The following VPS13B variants were observed in gnomAD, a reference collection of about 807,000 sequenced individuals.
VPS13B encodes intermembrane lipid transfer protein VPS13B.
In VPS13B, 285 loss-of-function variants were observed where a neutral mutation model predicts 426.4. The ratio of observed to expected loss-of-function variants is 0.67; its 90% CI spans 0.61 to 0.74. The LOEUF (loss-of-function observed/expected upper bound fraction) is 0.74, where lower values mean the gene tolerates loss of function less well. Among genes scored for constraint, VPS13B ranks in the 30% least tolerant of loss-of-function variants. VPS13B has a pLI of 0.00. For missense variants in VPS13B, 4,537 were observed against 4,782.6 expected, an observed-to-expected ratio of 0.95 and a Z score of 1.51; for synonymous variants, 1,676 against 1,676.4, an observed-to-expected ratio of 1.00 and a Z score of 0.01.
intron 56 of VPS13B, among the ~76,000 whole-genome samples, chr8:99,855,224 T>G (rs1484202340): frequency 6.6e-6 from 1 of 151,752 alleles, no homozygotes; most frequent in East Asian, 1.9e-4. Flanking sequence ...AAAATTAAAG[T>G]TTAAAAAATT....
chr8:99,170,251 T>G, intron 16 of VPS13B, 88 bp downstream of exon 16: 1 of 1,493,338 alleles, frequency 6.7e-7, no homozygotes, highest in South Asian at 1.2e-5. Context: ...CTTATGCCCA[T>G]GCTAGTTTTA....
chr8:99,195,321 A>G (rs1050976134), intron 17 of VPS13B, among the ~76,000 whole-genome samples: 7 of 152,172 alleles, frequency 4.6e-5, no homozygotes, highest in Non-Finnish European at 7.3e-5. Context: ...GGCCATTTGT[A>G]TGAACCATTT....
intron 44 of VPS13B, among the ~76,000 whole-genome samples, chr8:99,813,246 A>G (rs1044361877): frequency 5.3e-5 from 8 of 152,160 alleles, no homozygotes; most frequent in African/African-American, 1.9e-4. Flanking sequence ...CCTATTTAAC[A>G]GGCTTTTTAG....
At position 99,569,608 on chromosome 8, in the gene VPS13B, T is replaced by G. The variant is rs565162820; in HGVS notation, c.4950-6050T>G. On this transcript the variant is annotated intron_variant, in intron 31 of 61. Transcript: ENST00000357162. ...TTTGAAGTGTGATTCTTAAACTCCTTTAGTATTTCCCACAAAGGCATACCA... is the reference window on the plus strand; with the variant it reads ...TTTGAAGTGTGATTCTTAAACTCCTGTAGTATTTCCCACAAAGGCATACCA... Among the ~76,000 whole-genome samples, 62 of 152,318 alleles carry G rather than the reference T, an allele frequency of 4.1e-4. 1 individual carries two copies. In the South Asian group the frequency reaches 0.012, roughly 30 times the overall value.
intron 17 of VPS13B, among the ~76,000 whole-genome samples, chr8:99,206,007 A>G (rs1416264896): frequency 6.6e-6 from 1 of 152,208 alleles, no homozygotes; most frequent in Admixed American, 6.5e-5. Flanking sequence ...ATTTGAGCTA[A>G]ATATGTATTA....
intron 3 of VPS13B, among the ~76,000 whole-genome samples, chr8:99,073,694 CT>C (rs1252171560): frequency 2.6e-5 from 2 of 78,178 alleles, no homozygotes; most frequent in East Asian, 7.6e-4. Context: ...TTTGGATTTT[CT>C]TTCCTTTTTT....
chr8:99,864,823 G>A (rs1174253828), intron 58 of VPS13B, among the ~76,000 whole-genome samples: 1 of 152,178 alleles, frequency 6.6e-6, no homozygotes, highest in Admixed American at 6.5e-5. Flanking sequence ...GCAAGGACAG[G>A]AGCCTGGGCC....
intron 30 of VPS13B, among the ~76,000 whole-genome samples, chr8:99,528,650 A>C (rs959986837): frequency 6.6e-6 from 1 of 152,092 alleles, no homozygotes; most frequent in African/African-American, 2.4e-5. Context: ...TCATGGTCTC[A>C]TTTTTATCAT....
chr8:99,504,661 C>G (rs917695454), intron 27 of VPS13B, among the ~76,000 whole-genome samples: 1 of 152,134 alleles, frequency 6.6e-6, no homozygotes, highest in East Asian at 1.9e-4. Flanking sequence ...GATGTGCTAT[C>G]ATCCAAGCTT....
intron 19 of VPS13B, among the ~76,000 whole-genome samples, chr8:99,383,449 A>G (rs2133292985): frequency 6.6e-6 from 1 of 152,170 alleles, no homozygotes; most frequent in East Asian, 1.9e-4. Flanking sequence ...GCTTATTATT[A>G]TATTTTATGG....
Position 99,502,279 on chromosome 8 carries a change from C to T in VPS13B, c.4042+421C>T, listed in dbSNP as rs553324516. ...GATTACAGGCATGAGCCACCATGCC[C>T]GGCCTGGATTGCTTTTCTTCTTTAC... is the stretch of plus-strand genomic sequence containing the variant. On this transcript the variant is annotated intron_variant, in intron 26 of 61. Coordinates refer to ENST00000357162, the MANE Select transcript of VPS13B (RefSeq NM_152564.5). Among the ~76,000 whole-genome samples, 14 of 152,212 alleles carry T rather than the reference C, an allele frequency of 9.2e-5. 1 individual carries two copies. The highest frequency in any genetic ancestry group is 2.2e-4 in the African/African-American group (9 of 41,532).
chr8:99,719,187 A>G (rs1001053874), intron 37 of VPS13B, among the ~76,000 whole-genome samples: 28 of 152,224 alleles, frequency 1.8e-4, no homozygotes, highest in African/African-American at 5.8e-4. Context: ...ATTGAAAACG[A>G]CAATGATCTG....
At chr8:99,868,248 T>G in intron 58 of VPS13B, 41 bp from the exon 59 acceptor site, 1 of 1,613,272 alleles carries the variant, frequency 6.2e-7, no homozygotes, top group Non-Finnish European at 8.5e-7. Context: ...TTTCCGAGGA[T>G]TTTAAGCCTC....
At chr8:99,433,148 G>A (rs1817202187) in intron 22 of VPS13B, among the ~76,000 whole-genome samples, 1 of 152,170 alleles carries the variant, frequency 6.6e-6, no homozygotes, top group African/African-American at 2.4e-5. Flanking sequence ...TGTAGCTGTA[G>A]CTTTTTTCTA....
chr8:99,763,345 T>C (rs1282517456), intron 39 of VPS13B, among the ~76,000 whole-genome samples: 3 of 152,092 alleles, frequency 2.0e-5, no homozygotes, highest in African/African-American at 7.2e-5. Context: ...CATGAATTAT[T>C]CATTCATTTA....
At chr8:99,859,843 T>A (rs535399555) in intron 57 of VPS13B, among the ~76,000 whole-genome samples, 69 of 152,370 alleles carry the variant, frequency 4.5e-4, no homozygotes, top group Admixed American at 9.1e-4. Context: ...CATATTTTTT[T>A]AAATGTAGAT....
chr8:99,551,257 T>TA (rs1824267057), intron 30 of VPS13B, among the ~76,000 whole-genome samples: 1 of 152,044 alleles, frequency 6.6e-6, no homozygotes. Flanking sequence ...GCAGTAACTA[T>TA]TTTTAAATAG....
At chr8:99,229,265 G>A (rs892431150) in intron 17 of VPS13B, among the ~76,000 whole-genome samples, 3 of 152,228 alleles carry the variant, frequency 2.0e-5, no homozygotes, top group African/African-American at 7.2e-5. Flanking sequence ...TCCTGCATTA[G>A]TGGAAATGGC....
chr8:99,422,063 T>C (rs916132877), intron 21 of VPS13B, among the ~76,000 whole-genome samples: 1 of 152,132 alleles, frequency 6.6e-6, no homozygotes, highest in Non-Finnish European at 1.5e-5. Flanking sequence ...TTAAATAAGA[T>C]AGATGGGCGT....
Sources: gnomAD v4.1 joint callset for allele counts (sites outside exome capture counted in the v4.1 genomes callset) on GRCh38, gnomAD v4.1.1 for gene constraint, MANE v1.5 for transcripts, NCBI Gene and HGNC (gene_info 2026-07-23, HGNC 2026-07-21) for gene names.